The following STPG2 variants were observed in gnomAD, a reference collection of about 807,000 sequenced individuals.
The protein encoded by STPG2 is sperm-tail PG-rich repeat-containing protein 2.
A neutral mutation model predicts 54.2 loss-of-function variants in STPG2; 56 were observed. The observed-to-expected ratio is 1.03, with a 90% confidence interval of 0.83 to 1.29. The LOEUF is 1.29. Among genes scored for constraint, STPG2 ranks in the 50% most tolerant of loss-of-function variants. The pLI, the probability that STPG2 is intolerant of heterozygous loss-of-function variation, is 0.00. For missense variants in STPG2, 596 were observed against 544.9 expected, an observed-to-expected ratio of 1.09 and a Z score of -0.93; for synonymous variants, 200 against 181.8, an observed-to-expected ratio of 1.10 and a Z score of -0.81.
At chr4:97,477,477 T>TG (rs1730101543) in intron 4 of STPG2, among the ~76,000 whole-genome samples, 1 of 124,620 alleles carries the variant, frequency 8.0e-6, no homozygotes, top group African/African-American at 3.3e-5. Context: ...TCCTTTTTTG[T>TG]TTTTTTTTTT....
At chr4:97,664,921 G>A (rs531501194) in intron 10 of STPG2, among the ~76,000 whole-genome samples, 8 of 151,996 alleles carry the variant, frequency 5.3e-5, no homozygotes, top group African/African-American at 7.2e-5. Flanking sequence ...GTGAGCAAGC[G>A]TGGGGTCCAG....
At chr4:97,521,940 T>C (rs1042753358) in intron 4 of STPG2, among the ~76,000 whole-genome samples, 1 of 151,762 alleles carries the variant, frequency 6.6e-6, no homozygotes, top group South Asian at 2.1e-4. Flanking sequence ...CAAGATACTG[T>C]CTCTTAAAAA....
chr4:97,824,102 T>C (rs1228132814), intron 9 of STPG2, among the ~76,000 whole-genome samples: 2 of 152,096 alleles, frequency 1.3e-5, no homozygotes, highest in African/African-American at 4.8e-5. Context: ...TCATGGGACA[T>C]GGGGAGTTTT....
intron 4 of STPG2, among the ~76,000 whole-genome samples, chr4:97,520,182 G>T (rs1385545377): frequency 6.6e-6 from 1 of 152,006 alleles, no homozygotes; most frequent in East Asian, 1.9e-4. Context: ...ACAGTTGGTG[G>T]AAGGGAAATA....
chr4:97,698,244 C>A (rs1343707105), intron 10 of STPG2, among the ~76,000 whole-genome samples: 1 of 152,110 alleles, frequency 6.6e-6, no homozygotes, highest in Non-Finnish European at 1.5e-5. Context: ...ATTGGCAGAA[C>A]TGTTGGAGTT....
intron 5 of STPG2, among the ~76,000 whole-genome samples, chr4:97,991,352 ATG>A (rs1047714395): frequency 2.0e-5 from 3 of 150,284 alleles, no homozygotes; most frequent in African/African-American, 7.4e-5. Context: ...GTGTGTATAT[ATG>A]TGTGTGTGGT....
chr4:97,942,139 G>GTATA lies in STPG2; in HGVS notation c.1044+1754_1044+1757dup, dbSNP rs148243599. Among the ~76,000 whole-genome samples the GTATA allele has an allele frequency of 2.0e-5, 3 of 147,662 alleles. No individual in the cohort carries two copies. In the East Asian group the frequency reaches 5.9e-4, roughly 29 times the overall value. On this transcript the variant is annotated intron_variant, in intron 8 of 10. Coordinates refer to ENST00000295268, the MANE Select transcript of STPG2 (RefSeq NM_174952.3). ...ATACGTTTTAAATATATATATGTGT[G>GTATA]TATATATATATATATTTAAAACGTA...
At chr4:97,909,543 G>C (rs563957575) in intron 8 of STPG2, among the ~76,000 whole-genome samples, 1 of 152,112 alleles carries the variant, frequency 6.6e-6, no homozygotes, top group Admixed American at 6.6e-5. Context: ...CACAAAAATA[G>C]AAACAAAAGT....
rs367740816 is a variant in STPG2, at chr4:97,633,157, A to C, written c.1321-74040T>G. On this transcript the variant is annotated intron_variant, in intron 10 of 10. Coordinates refer to ENST00000295268, the MANE Select transcript of STPG2 (RefSeq NM_174952.3). ...CTCTGCCATTTACATTCTTATAATA[A>C]TATAATAATTGAATTGATCTAAAAC... 3.3e-5 allele frequency among the ~76,000 whole-genome samples: 5 copies of C among 152,304 alleles called. No homozygotes were observed. In the South Asian group the frequency reaches 1.0e-3, roughly 32 times the overall value.
At chr4:97,934,940 C>T (rs549510274) in intron 8 of STPG2, among the ~76,000 whole-genome samples, 2 of 152,270 alleles carry the variant, frequency 1.3e-5, no homozygotes, top group Admixed American at 6.5e-5. Context: ...GGTAACAGCT[C>T]CTCTTTGTAC....
intron 8 of STPG2, among the ~76,000 whole-genome samples, chr4:97,905,922 C>A (rs1380376500): frequency 6.6e-6 from 1 of 152,018 alleles, no homozygotes; most frequent in African/African-American, 2.4e-5. Flanking sequence ...CAGGAAAGAT[C>A]CAAAATTGAC....
intron 9 of STPG2, among the ~76,000 whole-genome samples, chr4:97,742,463 A>C (rs1725277847): frequency 6.6e-6 from 1 of 151,240 alleles, no homozygotes; most frequent in Non-Finnish European, 1.5e-5. Flanking sequence ...GGCATTGTTC[A>C]CAATAACCAA....
At chr4:97,915,354 T>C (rs533897143) in intron 8 of STPG2, among the ~76,000 whole-genome samples, 1 of 152,254 alleles carries the variant, frequency 6.6e-6, no homozygotes, top group East Asian at 1.9e-4. Context: ...AATGACTCTG[T>C]GAGGTAGATA....
At chr4:97,506,046 A>G (rs1432708565) in intron 4 of STPG2, among the ~76,000 whole-genome samples, 1 of 148,866 alleles carries the variant, frequency 6.7e-6, no homozygotes, top group Non-Finnish European at 1.5e-5. Flanking sequence ...AAAAAAAAAA[A>G]GGCTTCAGAC....
At chr4:97,720,783 A>C (rs1406655844) in intron 9 of STPG2, among the ~76,000 whole-genome samples, 1 of 152,016 alleles carries the variant, frequency 6.6e-6, no homozygotes, top group Non-Finnish European at 1.5e-5. Context: ...TTGTCTTCAA[A>C]TCTCCATATT....
At chr4:98,053,616 G>A (rs1297665634) in intron 5 of STPG2, among the ~76,000 whole-genome samples, 2 of 152,008 alleles carry the variant, frequency 1.3e-5, no homozygotes, top group African/African-American at 2.4e-5. Flanking sequence ...GTCTTCAAAT[G>A]TACTTCCTCC....
At chr4:97,967,060 T>C (rs1046516976) in intron 7 of STPG2, among the ~76,000 whole-genome samples, 21 of 151,558 alleles carry the variant, frequency 1.4e-4, no homozygotes, top group African/African-American at 4.8e-4. Context: ...AAGACACAGA[T>C]GGGCAAATTG....
chr4:97,712,300 A>G (rs1724147474), intron 10 of STPG2, among the ~76,000 whole-genome samples: 1 of 152,142 alleles, frequency 6.6e-6, no homozygotes, highest in Admixed American at 6.6e-5. Context: ...AAAAGAAAAT[A>G]AAAGAGCAAC....
chr4:97,864,775 A>T (rs1729699345), intron 8 of STPG2, among the ~76,000 whole-genome samples: 1 of 152,166 alleles, frequency 6.6e-6, no homozygotes, highest in Non-Finnish European at 1.5e-5. Flanking sequence ...CAGAGCCCTC[A>T]GAAGTAATAC....
Sources: allele counts gnomAD v4.1 joint callset (sites outside exome capture counted in the v4.1 genomes callset), GRCh38; gene constraint gnomAD v4.1.1; transcripts MANE v1.5; gene names NCBI Gene and HGNC (gene_info 2026-07-23, HGNC 2026-07-21).